AFAP1: variants seen among roughly 807,000 people sequenced by gnomAD.
AFAP1 encodes the protein actin filament associated protein 1.
In AFAP1, 75 loss-of-function variants were observed where a neutral mutation model predicts 93.9. The observed-to-expected ratio is 0.80, with a 90% CI of 0.66 to 0.97. The LOEUF (loss-of-function observed/expected upper bound fraction) is 0.97. Among genes scored for constraint, AFAP1 ranks in the 50% least tolerant of loss-of-function variants. The pLI is 0.00. For missense variants in AFAP1, 1,201 were observed against 1,050.8 expected (o/e 1.14, Z -1.98); for synonymous variants, 517 against 430.7 (o/e 1.20, Z -2.48).
At chr4:7,780,820 G>C (rs1716688687) in intron 13 of AFAP1, among the ~76,000 whole-genome samples, 1 of 151,994 alleles carries the variant, frequency 6.6e-6, no homozygotes, top group South Asian at 2.1e-4. Context: ...CTTTAGACTT[G>C]TCATGGAGAA....
chr4:7,775,060 G>C, intron 14 of AFAP1, 157 bp from the exon 15 acceptor site: 1 of 829,774 alleles, frequency 1.2e-6, no homozygotes, highest in South Asian at 1.9e-5. Flanking sequence ...AGAATCGCTT[G>C]AGCTTGGGAG....
At chr4:7,921,816 ATCTGTG>A (rs1218181429) in intron 1 of AFAP1, among the ~76,000 whole-genome samples, 1 of 152,202 alleles carries the variant, frequency 6.6e-6, no homozygotes, top group East Asian at 1.9e-4. Context: ...TTATGCCAAC[ATCTGTG>A]TTTTTAAAAA....
At chr4:7,865,778 T>A (rs1716329192) in intron 3 of AFAP1, among the ~76,000 whole-genome samples, 2 of 152,350 alleles carry the variant, frequency 1.3e-5, no homozygotes, top group Middle Eastern at 3.4e-3. Context: ...TGCAGTTTGG[T>A]CCAAAGCAGG....
At chr4:7,799,486 A>G (rs972884058) in intron 10 of AFAP1, among the ~76,000 whole-genome samples, 9 of 152,196 alleles carry the variant, frequency 5.9e-5, no homozygotes, top group African/African-American at 1.7e-4. Flanking sequence ...CTGTGCACGC[A>G]TGTAGAGCCG....
At chr4:7,830,117 C>G (rs571561492) in intron 6 of AFAP1, among the ~76,000 whole-genome samples, 1 of 145,852 alleles carries the variant, frequency 6.9e-6, no homozygotes, top group South Asian at 2.2e-4. Flanking sequence ...AAAAAAAAAA[C>G]AAGGTCCAAA....
intron 14 of AFAP1, chr4:7,775,987 T>TTA (rs1308538876): frequency 6.6e-6 from 1 of 152,192 alleles, no homozygotes; most frequent in Non-Finnish European, 1.5e-5. Context: ...CTCTCTCCTA[T>TTA]TATGTTGGCT....
At chr4:7,768,733 C>A (rs1042291196) in intron 17 of AFAP1, 111 bp downstream of exon 17, 23 of 1,324,604 alleles carry the variant, frequency 1.7e-5, no homozygotes, top group Non-Finnish European at 2.3e-5. Context: ...AGGCTGAGTG[C>A]CAAGTGGATG....
rs556660891 is a variant in AFAP1 at position 7,845,673 on chromosome 4, G to C, written c.335-2323C>G. Among the ~76,000 whole-genome samples the C allele has an allele frequency of 4.9e-4, 75 of 152,064 alleles. 1 individual carries two copies. The highest frequency in any genetic ancestry group is 1.8e-3 in the African/African-American group (73 of 41,476). On this transcript the variant is annotated intron_variant, in intron 4 of 17. Coordinates refer to ENST00000420658, the MANE Select transcript of AFAP1 (RefSeq NM_001134647.2). ...TCACATCACCCTCCGCCCACAGGTG[G>C]GTCGTTCTCACTGGCTCCACATCCC... is the stretch of plus-strand genomic sequence containing the variant.
intron 8 of AFAP1, among the ~76,000 whole-genome samples, chr4:7,812,128 C>T (rs141449481): frequency 0.014 from 2,073 of 152,232 alleles, 50 homozygotes; most frequent in African/African-American, 0.047. Flanking sequence ...ACAGCAACAG[C>T]GGACGGCCCC....
chr4:7,780,602 C>G (rs1716660543), intron 13 of AFAP1, among the ~76,000 whole-genome samples: 1 of 151,574 alleles, frequency 6.6e-6, no homozygotes, highest in Non-Finnish European at 1.5e-5. Context: ...CACTTGAGCC[C>G]ACAGTTCAAG....
At chr4:7,811,586 G>C (rs1415520827) in intron 8 of AFAP1, among the ~76,000 whole-genome samples, 1 of 151,962 alleles carries the variant, frequency 6.6e-6, no homozygotes, top group Non-Finnish European at 1.5e-5. Flanking sequence ...TCCTGCCTCG[G>C]GCCTTGCCCT....
At position 7,912,697 on chromosome 4, in the gene AFAP1, C is replaced by T. The variant is rs6848487; in HGVS notation, c.-3+26959G>A. On this transcript the variant is annotated intron_variant, in intron 1 of 17. Coordinates refer to ENST00000420658, the MANE Select transcript of AFAP1 (RefSeq NM_001134647.2). The stretch of plus-strand genomic sequence containing the variant: ...TGTAAGTCCTTTATCAGACATGTGG[C>T]TTGCAATTAGTTTCTCCCAGTCTGT... Among the ~76,000 whole-genome samples, 1,110 of 152,246 alleles carry T rather than the reference C, an allele frequency of 7.3e-3. 8 individuals carry two copies. The highest frequency in any genetic ancestry group is 0.024 in the African/African-American group (998 of 41,538).
At position 7,772,873 on chromosome 4, in the gene AFAP1, C is replaced by T. The variant is rs1425841560; in HGVS notation, c.2200G>A (p.Gly734Arg). The T allele has an allele frequency of 3.7e-6, 6 of 1,613,856 alleles. No individual in the cohort carries two copies. The highest frequency in any genetic ancestry group is 1.7e-5 in the Admixed American group (1 of 60,002). The change falls in exon 16 of 18, where the codon GGA (glycine) becomes AGA (arginine). Residue 734 changes from glycine to arginine, a missense_variant. Transcript: ENST00000420658. The part of the protein sequence containing the change: ...KESLKKALAG[G>R]VTLGLAIEPK... The stretch of plus-strand genomic sequence containing the variant: ...TCGATGGCCAGCCCCAGGGTGACTC[C>T]GCCCGCCAGCGCTTTCTTCAGGCTC...
chr4:7,838,719 C>A lies in AFAP1; in HGVS notation c.547-16G>T, dbSNP rs1475817103. 1 of 1,612,274 alleles carries A rather than the reference C, an allele frequency of 6.2e-7. No individual in the cohort carries two copies. The highest frequency in any genetic ancestry group is 8.5e-7 in the Non-Finnish European group (1 of 1,178,846). On this transcript the variant is annotated splice_polypyrimidine_tract_variant and intron_variant, in intron 5 of 17. Transcript: ENST00000420658. ...TTTTATAGCACTGCATTCAACACAA[C>A]AAATCAACTGATATTATAAGGGAGT...
At position 7,760,487 on chromosome 4, in the gene AFAP1, A is replaced by G. The variant is rs1265877384; in HGVS notation, c.*3278T>C. ...GCAGATCCACACTGGTTACCTTGCA[A>G]CTGCCGTGGACTCTGGAAGCCGAGG... On this transcript the variant is annotated 3_prime_UTR_variant, in exon 18 of 18. Coordinates refer to ENST00000420658, the MANE Select transcript of AFAP1 (RefSeq NM_001134647.2). 1 of 152,238 alleles carries G rather than the reference A, an allele frequency of 6.6e-6. No individual in the cohort carries two copies. Among genetic ancestry groups the G allele is most frequent in the Non-Finnish European group, 1.5e-5 (1 of 68,080 alleles). 9.4% of individuals were successfully genotyped at this position (152,238 alleles called of 1,614,324 possible).
intron 9 of AFAP1, among the ~76,000 whole-genome samples, chr4:7,805,712 G>A (rs149839196): frequency 2.2e-4 from 34 of 152,302 alleles, no homozygotes; most frequent in African/African-American, 6.7e-4. Context: ...AGCTGGTATC[G>A]TCTGCCAAGC....
chr4:7,939,280 A>G lies in AFAP1; in HGVS notation c.-3+376T>C, dbSNP rs1181061343. On this transcript the variant is annotated intron_variant, in intron 1 of 17. Transcript: ENST00000420658. This position sits in a 1 kb window ranked among gnomAD's most constrained non-coding sequence, Gnocchi z 5.6. ...GTCTCGCTACGGGGGAGGGCGGCGGAGCCTCCCACTCTTGGTGACCCGGAC... is the reference window on the plus strand; with the variant it reads ...GTCTCGCTACGGGGGAGGGCGGCGGGGCCTCCCACTCTTGGTGACCCGGAC... 2 of 309,088 alleles carry G rather than the reference A, an allele frequency of 6.5e-6. No individual in the cohort carries two copies. Among genetic ancestry groups the G allele is most frequent in the Non-Finnish European group, 1.3e-5 (2 of 153,032 alleles). 19.1% of individuals were successfully genotyped at this position (309,088 alleles called of 1,614,324 possible).
At chr4:7,862,317 A>G (rs988244525) in intron 3 of AFAP1, 1 of 150,612 alleles carries the variant, frequency 6.6e-6, no homozygotes, top group Non-Finnish European at 1.5e-5. Context: ...TAAGCAACAG[A>G]ATGAGACTCT....
intron 6 of AFAP1, among the ~76,000 whole-genome samples, chr4:7,837,893 A>G (rs1712501657): frequency 6.6e-6 from 1 of 152,110 alleles, no homozygotes; most frequent in Non-Finnish European, 1.5e-5. Flanking sequence ...GTGGCATGTC[A>G]TGCGAGCTAA....
Sources: allele counts gnomAD v4.1 joint callset (sites outside exome capture counted in the v4.1 genomes callset), GRCh38; gene constraint gnomAD v4.1.1; non-coding constraint Gnocchi (gnomAD v3.1); transcripts MANE v1.5; gene names NCBI Gene and HGNC (gene_info 2026-07-23, HGNC 2026-07-21).